EPHB1: variants seen among roughly 807,000 people sequenced by gnomAD.
EPHB1 encodes ephrin type-B receptor 1.
Under a neutral mutation model 94.4 loss-of-function variants are expected in EPHB1, and 30 were observed. The observed-to-expected ratio is 0.32, with a 90% CI of 0.24 to 0.43. The LOEUF is 0.43. Among genes scored for constraint, EPHB1 ranks in the 20% least tolerant of loss-of-function variants. EPHB1 has a pLI of 1.00. For synonymous variants in EPHB1, 522 were observed against 489.1 expected, an observed-to-expected ratio of 1.07 and a Z score of -0.89; for missense variants, 1,055 against 1,308.3, an observed-to-expected ratio of 0.81 and a Z score of 2.99.
chr3:135,052,905 ATATATG>A (rs1477561019), intron 3 of EPHB1, among the ~76,000 whole-genome samples: 57 of 101,156 alleles, frequency 5.6e-4, no homozygotes, highest in African/African-American at 3.5e-4. Context: ...ATATATATAT[ATATATG>A]TGTGTGTGTG....
chr3:134,896,235 A>G (rs150030989), intron 1 of EPHB1, among the ~76,000 whole-genome samples: 56 of 150,448 alleles, frequency 3.7e-4, no homozygotes, highest in Non-Finnish European at 6.6e-4. Context: ...CCCTCCCTGC[A>G]GAAGTCATCT....
At chr3:135,069,010 T>G (rs941195470) in intron 3 of EPHB1, among the ~76,000 whole-genome samples, 3 of 148,208 alleles carry the variant, frequency 2.0e-5, no homozygotes, top group Non-Finnish European at 4.5e-5. Flanking sequence ...TTAAAAACTT[T>G]TGGCCGGGCG....
intron 1 of EPHB1, among the ~76,000 whole-genome samples, chr3:134,874,687 A>G (rs776272939): frequency 4.6e-5 from 7 of 152,062 alleles, no homozygotes; most frequent in African/African-American, 1.2e-4. Flanking sequence ...TGCATTGACA[A>G]CCTCGTGGGT....
chr3:135,207,931 C>T (rs1023977457), intron 12 of EPHB1, among the ~76,000 whole-genome samples: 1 of 152,356 alleles, frequency 6.6e-6, no homozygotes, highest in Non-Finnish European at 1.5e-5. Flanking sequence ...GGGGACTCCA[C>T]CTTCATGACA....
chr3:135,242,593 C>T (rs1270030629), intron 13 of EPHB1, among the ~76,000 whole-genome samples: 1 of 152,084 alleles, frequency 6.6e-6, no homozygotes, highest in Non-Finnish European at 1.5e-5. Context: ...GCACCATTAA[C>T]CGGGTCCTGA....
At chr3:135,087,591 T>C (rs1282458116) in intron 3 of EPHB1, among the ~76,000 whole-genome samples, 1 of 152,116 alleles carries the variant, frequency 6.6e-6, no homozygotes, top group East Asian at 1.9e-4. Flanking sequence ...ATCCTGAAGT[T>C]ATATGGGAAG....
chr3:135,259,818 AAAG>A lies in EPHB1; in HGVS notation c.*704_*706del, dbSNP rs1253951849. On this transcript the variant is annotated 3_prime_UTR_variant, in exon 16 of 16. Transcript: ENST00000398015. Reference sequence around the variant, plus strand: ...AAGAAACCACAAATTGGGGAAAAAAAAAGAAGAAAAACCTGTTTCCGTGTGCAA... The same window carrying A: ...AAGAAACCACAAATTGGGGAAAAAAAAAGAAAAACCTGTTTCCGTGTGCAA... The A allele has an allele frequency of 1.4e-5, 3 of 221,110 alleles. No homozygotes were observed. Among genetic ancestry groups the A allele is most frequent in the Non-Finnish European group, 2.7e-5 (3 of 110,154 alleles). The allele number at this position is 221,110 out of a possible 1,614,324, so 13.7% of individuals were successfully genotyped here. A position where few individuals can be genotyped will look rare whatever the true frequency, so the allele number is the denominator to read the frequency against.
At chr3:135,012,640 CTTTCTTG>C (rs1213158718) in intron 3 of EPHB1, among the ~76,000 whole-genome samples, 1 of 152,216 alleles carries the variant, frequency 6.6e-6, no homozygotes. Context: ...TGGCATATTT[CTTTCTTG>C]TTTCCCCAAT....
At chr3:135,033,728 C>A (rs547834982) in intron 3 of EPHB1, among the ~76,000 whole-genome samples, 93 of 152,292 alleles carry the variant, frequency 6.1e-4, no homozygotes, top group African/African-American at 2.2e-3. Context: ...ATTGCAGTTT[C>A]TGAATACATT....
intron 4 of EPHB1, among the ~76,000 whole-genome samples, chr3:135,130,629 G>A (rs1576412844): frequency 2.0e-5 from 3 of 152,286 alleles, no homozygotes; most frequent in African/African-American, 7.2e-5. Context: ...GAAGCTCAAA[G>A]GAGAGAGGAA....
intron 13 of EPHB1, 106 bp downstream of exon 13, chr3:135,241,403 A>G: frequency 7.1e-7 from 1 of 1,411,612 alleles, no homozygotes; most frequent in Non-Finnish European, 9.9e-7. Context: ...CATAATCTGA[A>G]CCTGCAGTGT....
chr3:135,131,465 A>G (rs1940413456), intron 4 of EPHB1, among the ~76,000 whole-genome samples: 1 of 152,122 alleles, frequency 6.6e-6, no homozygotes, highest in South Asian at 2.1e-4. Flanking sequence ...TGAATTCTGA[A>G]TGCATTACTA....
chr3:135,072,717 C>G (rs888498820), intron 3 of EPHB1, among the ~76,000 whole-genome samples: 2 of 152,234 alleles, frequency 1.3e-5, no homozygotes, highest in African/African-American at 4.8e-5. Context: ...GGCACGCCCT[C>G]TCTTCTCCAT....
intron 12 of EPHB1, among the ~76,000 whole-genome samples, chr3:135,228,821 TC>T (rs941417733): frequency 6.6e-5 from 10 of 152,176 alleles, no homozygotes; most frequent in Admixed American, 2.0e-4. Context: ...CTTTTGTTTT[TC>T]CTTTGGGAGA....
At chr3:135,121,071 G>T (rs1030301641) in intron 4 of EPHB1, among the ~76,000 whole-genome samples, 8 of 152,168 alleles carry the variant, frequency 5.3e-5, no homozygotes, top group African/African-American at 1.9e-4. Flanking sequence ...AAACACCTTA[G>T]AAGTCCCATA....
intron 10 of EPHB1, among the ~76,000 whole-genome samples, chr3:135,190,701 T>C (rs977682533): frequency 2.0e-5 from 3 of 152,232 alleles, no homozygotes; most frequent in African/African-American, 7.2e-5. Context: ...ATTTTTAACA[T>C]ACAAATTCAA....
intron 3 of EPHB1, among the ~76,000 whole-genome samples, chr3:135,060,533 G>A (rs959853195): frequency 3.9e-5 from 6 of 152,026 alleles, no homozygotes; most frequent in African/African-American, 1.4e-4. Context: ...ATTTTGTTTG[G>A]TATATACCTA....
In EPHB1 at chr3:135,192,642, T is replaced by C. The variant is rs1942490697; in HGVS notation, c.1949T>C (p.Ile650Thr). The C allele has an allele frequency of 6.2e-7, 1 of 1,613,984 alleles. No homozygotes were observed. The highest frequency in any genetic ancestry group is 1.1e-5 in the South Asian group (1 of 91,072). The change falls in exon 11 of 16, where the codon ATC (isoleucine) becomes ACC (threonine). Residue 650 changes from isoleucine (I) to threonine (T), a missense_variant. Transcript: ENST00000398015. Reference sequence around the variant, plus strand: ...GGCAAGAGGGAAATCTACGTGGCCATCAAGACCCTGAAGGCAGGGTACTCG... The same window carrying C: ...GGCAAGAGGGAAATCTACGTGGCCACCAAGACCCTGAAGGCAGGGTACTCG... ...LPGKREIYVA[I>T]KTLKAGYSEK...
At chr3:135,191,670 G>A (rs1337576364) in intron 10 of EPHB1, among the ~76,000 whole-genome samples, 1 of 150,068 alleles carries the variant, frequency 6.7e-6, no homozygotes, top group Non-Finnish European at 1.5e-5. Context: ...ATGAAATAAT[G>A]TCACCATAAT....
Sources: gnomAD v4.1 joint callset for allele counts (sites outside exome capture counted in the v4.1 genomes callset) on GRCh38, gnomAD v4.1.1 for gene constraint, MANE v1.5 for transcripts, NCBI Gene and HGNC (gene_info 2026-07-23, HGNC 2026-07-21) for gene names.